Variants in AP1G1 observed in about 807,000 individuals in gnomAD.
AP1G1 encodes the protein adaptor related protein complex 1 subunit gamma 1, also known as AP-1 complex subunit gamma-1.
In AP1G1, 7 loss-of-function variants were observed where a neutral mutation model predicts 108.3. That is an observed-to-expected ratio of 0.06 (90% CI 0.04 to 0.12). The LOEUF is 0.12. Ranked by LOEUF, AP1G1 falls within the 10% of genes least tolerant of loss-of-function variation. AP1G1 has a pLI of 1.00. For missense variants in AP1G1, 756 were observed against 1,010.7 expected (o/e 0.75, Z 3.42); for synonymous variants, 379 against 353.5 (o/e 1.07, Z -0.81).
At position 71,737,276 on chromosome 16, in the gene AP1G1, G is replaced by A. The variant is rs183411118; in HGVS notation, c.2268+1666C>T. Among the ~76,000 whole-genome samples, 26 of 152,060 alleles carry A rather than the reference G, an allele frequency of 1.7e-4. No individual in the cohort carries two copies. The East Asian group carries it at 4.8e-3, about 28-fold the overall frequency. On this transcript the variant is annotated intron_variant, in intron 21 of 22. Coordinates refer to ENST00000299980, the MANE Select transcript of AP1G1 (RefSeq NM_001128.6). ...TGGTCTTTCACCAATTGACACTACTGCTCCCCTTTTTTTTCTTCTTTTTTT... is the reference window on the plus strand; with the variant it reads ...TGGTCTTTCACCAATTGACACTACTACTCCCCTTTTTTTTCTTCTTTTTTT...
chr16:71,757,822 A>G (rs1037994496), intron 11 of AP1G1, among the ~76,000 whole-genome samples: 2 of 152,178 alleles, frequency 1.3e-5, no homozygotes, highest in African/African-American at 4.8e-5. Context: ...ACACAAAAAG[A>G]GTCAGAAGGC....
intron 1 of AP1G1, among the ~76,000 whole-genome samples, chr16:71,798,847 C>CATT (rs1265942610): frequency 1.3e-5 from 2 of 151,848 alleles, no homozygotes; most frequent in African/African-American, 4.8e-5. Context: ...GAGATCACAC[C>CATT]ACTGCACTCT....
chr16:71,780,731 T>C (rs1170073485), intron 2 of AP1G1, among the ~76,000 whole-genome samples: 1 of 152,068 alleles, frequency 6.6e-6, no homozygotes, highest in Non-Finnish European at 1.5e-5. Context: ...TAGTAACCTC[T>C]AACTCTTGGG....
chr16:71,779,382 G>A (rs553338650), intron 2 of AP1G1, among the ~76,000 whole-genome samples: 6 of 151,668 alleles, frequency 4.0e-5, no homozygotes, highest in Admixed American at 1.3e-4. Context: ...CTGACACCCA[G>A]GCTGGAGTGC....
chr16:71,780,336 T>C (rs150128876), intron 2 of AP1G1, among the ~76,000 whole-genome samples: 1 of 152,112 alleles, frequency 6.6e-6, no homozygotes, highest in East Asian at 1.9e-4. Flanking sequence ...TTAAAAATTT[T>C]TTTAAATCAG....
chr16:71,782,411 G>A (rs780969469), intron 2 of AP1G1, among the ~76,000 whole-genome samples: 2 of 151,770 alleles, frequency 1.3e-5, no homozygotes, highest in African/African-American at 2.4e-5. Context: ...CAATCTGCCC[G>A]CCTCAGCCTC....
At position 71,745,593 on chromosome 16, in the gene AP1G1, C is replaced by T. The variant is rs573600980; in HGVS notation, c.1752G>A (p.Met584Ile). 6.2e-7 allele frequency: 1 copy of T among 1,614,016 alleles called. No homozygotes were observed. Among genetic ancestry groups the T allele is most frequent in the Admixed American group, 1.7e-5 (1 of 59,994 alleles). Residue 584 changes from methionine (M) to isoleucine (I), a missense_variant, in exon 18 of 23, where the codon ATG becomes ATA. Transcript: ENST00000299980. ...DHMRSALLER[M>I]PVMEKVTTNG... is the part of the protein sequence containing the mutation. ...TTGTGGTCACTTTTTCCATGACAGG[C>T]ATTCTCTCAAGTAGGGCAGACCTAG...
rs1213680207 is a variant in AP1G1, at chr16:71,736,098, C to CAAAAAAAAAAAAAAA, written c.2269-1406_2269-1392dup. ...TGGGTGACAGAGTGAGACTCCATCT[C>CAAAAAAAAAAAAAAA]AAAAAAAAAAAAAAAAAAAATATAT... On this transcript the variant is annotated intron_variant, in intron 21 of 22. Transcript: ENST00000299980. Among the ~76,000 whole-genome samples, 32 of 25,420 alleles carry CAAAAAAAAAAAAAAA rather than the reference C, an allele frequency of 1.3e-3. 6 individuals carry two copies. The highest frequency in any genetic ancestry group is 1.9e-3 in the Admixed American group (2 of 1,078). The allele number at this position is 25,420 out of a possible 152,430, so 16.7% of individuals were successfully genotyped here. A position where few individuals can be genotyped will look rare whatever the true frequency, so the allele number is the denominator to read the frequency against.
chr16:71,791,590 CAGG>C (rs1004043358), intron 1 of AP1G1, among the ~76,000 whole-genome samples: 1 of 149,652 alleles, frequency 6.7e-6, no homozygotes, highest in African/African-American at 2.5e-5. Flanking sequence ...GAGATTGAGG[CAGG>C]AGGATAGCCT....
chr16:71,765,662 A>G, intron 6 of AP1G1, 78 bp from the exon 7 acceptor site: 1 of 1,171,266 alleles, frequency 8.5e-7, no homozygotes, highest in Non-Finnish European at 1.3e-6. Flanking sequence ...TTTGGTTTAG[A>G]AAAAGGGTGT....
chr16:71,790,339 G>A (rs539896376), intron 1 of AP1G1, among the ~76,000 whole-genome samples: 177 of 152,048 alleles, frequency 1.2e-3, no homozygotes, highest in African/African-American at 4.0e-3. Context: ...TCGGGAGTTC[G>A]AGACCAGCCT....
At position 71,764,734 on chromosome 16, in the gene AP1G1, G is replaced by T; in HGVS notation, c.739-8C>A. 1 of 1,592,868 alleles carries T rather than the reference G, an allele frequency of 6.3e-7. No homozygotes were observed. Among genetic ancestry groups the T allele is most frequent in the Non-Finnish European group, 8.6e-7 (1 of 1,168,094 alleles). On this transcript the variant is annotated splice_region_variant and splice_polypyrimidine_tract_variant and intron_variant, in intron 7 of 22. Coordinates refer to ENST00000299980, the MANE Select transcript of AP1G1 (RefSeq NM_001128.6). The stretch of plus-strand genomic sequence containing the variant: ...TAACCGCAAAATTCGTACCTAACGT[G>T]CAAAAGATGAGAGGTGTCAACAAAT...
chr16:71,742,334 G>A (rs1215423390), intron 19 of AP1G1: 1 of 151,800 alleles, frequency 6.6e-6, no homozygotes, highest in East Asian at 1.9e-4. Flanking sequence ...GCCTGGCAGA[G>A]GGCTACAAAA....
chr16:71,788,428 T>G (rs1429287964), intron 2 of AP1G1, among the ~76,000 whole-genome samples: 1 of 152,174 alleles, frequency 6.6e-6, no homozygotes, highest in Non-Finnish European at 1.5e-5. Flanking sequence ...TCATTGAGAC[T>G]ATCATTCTCA....
intron 13 of AP1G1, among the ~76,000 whole-genome samples, chr16:71,751,822 T>G (rs1009878633): frequency 4.6e-5 from 7 of 152,182 alleles, no homozygotes; most frequent in African/African-American, 1.2e-4. Flanking sequence ...AGTATGCTCT[T>G]AGACCACACA....
intron 6 of AP1G1, among the ~76,000 whole-genome samples, chr16:71,766,164 G>GA (rs1183090700): frequency 6.6e-6 from 1 of 152,080 alleles, no homozygotes; most frequent in Non-Finnish European, 1.5e-5. Flanking sequence ...GAAGACACAT[G>GA]AAAAAATTAC....
At chr16:71,765,273 G>A (rs980321707) in intron 7 of AP1G1, among the ~76,000 whole-genome samples, 2 of 152,188 alleles carry the variant, frequency 1.3e-5, no homozygotes, top group Admixed American at 6.5e-5. Context: ...GCTGCAGTGA[G>A]GCAAGATTGT....
rs760376747 is a variant in AP1G1, at chr16:71,748,414, T to G, written c.1498-36A>C. 3 of 1,600,338 alleles carry G rather than the reference T, an allele frequency of 1.9e-6. No homozygotes were observed. The Admixed American group carries it at 5.3e-5, about 28-fold the overall frequency. On this transcript the variant is annotated intron_variant, in intron 15 of 22. Transcript: ENST00000299980. Reference sequence around the variant, plus strand: ...GGAGGAAAAAGAAGACGATGAAGAATGAGTAGCATGATTAAGCATCTAAAT... The same window carrying G: ...GGAGGAAAAAGAAGACGATGAAGAAGGAGTAGCATGATTAAGCATCTAAAT...
chr16:71,745,029 A>C (rs2030098426), intron 19 of AP1G1, 115 bp downstream of exon 19: 2 of 1,142,146 alleles, frequency 1.8e-6, no homozygotes, highest in African/African-American at 1.5e-5. Flanking sequence ...CTTGCTTCTG[A>C]TTTAGCCTCT....
Sources: gnomAD v4.1 joint callset for allele counts (sites outside exome capture counted in the v4.1 genomes callset) on GRCh38, gnomAD v4.1.1 for gene constraint, MANE v1.5 for transcripts, NCBI Gene and HGNC (gene_info 2026-07-23, HGNC 2026-07-21) for gene names.